Variants in MFSD8 observed in about 807,000 individuals in gnomAD.
The protein encoded by MFSD8 is major facilitator superfamily domain containing 8.
Under a neutral mutation model 66.4 loss-of-function variants are expected in MFSD8, and 55 were observed. That is an observed-to-expected ratio of 0.83 (90% confidence interval 0.67 to 1.04). MFSD8 has a LOEUF of 1.04. Ranked by LOEUF, MFSD8 falls within the 50% of genes least tolerant of loss-of-function variation. The probability of loss-of-function intolerance (pLI) is 0.00; values close to 1 mark genes in which losing one functional copy is unlikely to be tolerated. For missense variants in MFSD8, 550 were observed against 627.6 expected (o/e 0.88, Z 1.32); for synonymous variants, 202 against 212.8 (o/e 0.95, Z 0.44).
At chr4:127,963,006 T>TA (rs1188264343) in intron 1 of MFSD8, among the ~76,000 whole-genome samples, 2 of 152,238 alleles carry the variant, frequency 1.3e-5, no homozygotes, top group Admixed American at 6.5e-5. Flanking sequence ...AGGTAATTAT[T>TA]ATGTATATTT....
In MFSD8 at chr4:127,923,555, A is replaced by ATTTAT. The variant is rs201245813; in HGVS notation, c.999-1593_999-1592insATAAA. ...AGTATTTTATTTTTTATTTTTATTT[A>ATTTAT]TTATTATTATTATTATTATTATTAT... On this transcript the variant is annotated intron_variant, in intron 9 of 11. Transcript: ENST00000641686. Among the ~76,000 whole-genome samples, 284 of 89,638 alleles carry ATTTAT rather than the reference A, an allele frequency of 3.2e-3. 1 individual carries two copies. Among genetic ancestry groups the ATTTAT allele is most frequent in the African/African-American group, 0.011 (275 of 25,946 alleles). The allele number at this position is 89,638 out of a possible 152,430, so 58.8% of individuals were successfully genotyped here.
At chr4:127,941,910 C>T (rs1336414766) in intron 5 of MFSD8, 135 bp downstream of exon 5, 8 of 707,506 alleles carry the variant, frequency 1.1e-5, no homozygotes, top group South Asian at 1.1e-4. Context: ...AGCCTCATTC[C>T]TGGATTAAAA....
rs753433200 is a variant in MFSD8 at position 127,949,846 on chromosome 4, C to T, written c.156G>A (p.Gly52=). The T allele has an allele frequency of 6.2e-7, 1 of 1,608,972 alleles. No individual in the cohort carries two copies. Among genetic ancestry groups the T allele is most frequent in the Non-Finnish European group, 8.5e-7 (1 of 1,177,488 alleles). ...ATATGGACATCATCACTACAGAAAA[C>T]CCTGTGAAGAAGCAAACTAGGTTAT... is the stretch of plus-strand genomic sequence containing the variant. The part of the protein sequence containing the change: ...LYLTMFLSSV[G]FSVVMMSIWP... Residue 52 remains glycine (G), a splice_region_variant and synonymous_variant, in exon 3 of 12, where the codon GGG becomes GGA. Coordinates refer to ENST00000641686, the MANE Select transcript of MFSD8 (RefSeq NM_001371596.2).
chr4:127,937,705 G>C (rs1013134203), intron 7 of MFSD8, among the ~76,000 whole-genome samples: 1 of 152,122 alleles, frequency 6.6e-6, no homozygotes, highest in Non-Finnish European at 1.5e-5. Flanking sequence ...TTACCAGTGA[G>C]ATATAACCAA....
At chr4:127,944,108 T>A in intron 3 of MFSD8, 116 bp from the exon 4 acceptor site, 4 of 1,377,272 alleles carry the variant, frequency 2.9e-6, no homozygotes, top group Admixed American at 3.7e-5. Flanking sequence ...TTCTAACGTA[T>A]AAGTTTTATA....
At chr4:127,925,319 GA>G (rs2148854387) in intron 9 of MFSD8, among the ~76,000 whole-genome samples, 1 of 152,220 alleles carries the variant, frequency 6.6e-6, no homozygotes, top group East Asian at 1.9e-4. Context: ...TACAGAATGG[GA>G]GAAAATTTTT....
intron 2 of MFSD8, among the ~76,000 whole-genome samples, chr4:127,952,439 G>C (rs1343704087): frequency 6.6e-6 from 1 of 151,884 alleles, no homozygotes; most frequent in Admixed American, 6.6e-5. Flanking sequence ...ATAAATATTA[G>C]CTTCATTTTA....
chr4:127,939,960 AC>A lies in MFSD8; in HGVS notation c.590del (p.Gly197ValfsTer2), dbSNP rs776253867. The A allele has an allele frequency of 6.2e-7, 1 of 1,613,572 alleles. No individual in the cohort carries two copies. The highest frequency in any genetic ancestry group is 1.1e-5 in the South Asian group (1 of 91,026). ...QTCFTFLGEKGVTWDVIKLQI... is the reference protein window; with the variant it reads ...QTCFTFLGEKXVTWDVIKLQI... Reference sequence around the variant, plus strand: ...GCAGTTTAATCACATCCCATGTCACACCTTTTTCTCCAAGGAATGTAAAACA... The same window carrying A: ...GCAGTTTAATCACATCCCATGTCACACTTTTTCTCCAAGGAATGTAAAACA... On this transcript the variant is annotated frameshift_variant, in exon 6 of 12. Transcript: ENST00000641686. LOFTEE classifies it high-confidence loss of function.
chr4:127,961,966 C>T (rs1159070279), intron 1 of MFSD8, among the ~76,000 whole-genome samples: 1 of 151,924 alleles, frequency 6.6e-6, no homozygotes, highest in Non-Finnish European at 1.5e-5. Flanking sequence ...CACACAGTTA[C>T]ATTAAGCATA....
rs975098313 is a variant in MFSD8, at chr4:127,919,349, C to G, written c.*1281G>C. ...GACACTGCACCCAACCTATAAAGTG[C>G]AGATTATATAGTGTTTATTCTCAGA... On this transcript the variant is annotated 3_prime_UTR_variant, in exon 12 of 12. Coordinates refer to ENST00000641686, the MANE Select transcript of MFSD8 (RefSeq NM_001371596.2). 6.6e-6 allele frequency: 1 copy of G among 152,124 alleles called. No individual in the cohort carries two copies. The highest frequency in any genetic ancestry group is 2.4e-5 in the African/African-American group (1 of 41,426). 9.4% of individuals were successfully genotyped at this position (152,124 alleles called of 1,614,324 possible).
intron 3 of MFSD8, among the ~76,000 whole-genome samples, chr4:127,947,898 A>ACACACACT (rs777137519): frequency 2.4e-4 from 35 of 146,934 alleles, no homozygotes; most frequent in African/African-American, 9.0e-4. Context: ...ACACACACAC[A>ACACACACT]CTCTCTCTCC....
At chr4:127,921,169 G>A (rs1736290948) in intron 11 of MFSD8, 6 of 561,546 alleles carry the variant, frequency 1.1e-5, no homozygotes, top group Non-Finnish European at 1.9e-5. Context: ...CATTTGTAAT[G>A]TTCACAAGTT....
intron 1 of MFSD8, among the ~76,000 whole-genome samples, chr4:127,960,967 TC>T (rs1250559185): frequency 6.6e-6 from 1 of 152,200 alleles, no homozygotes; most frequent in Non-Finnish European, 1.5e-5. Context: ...CCTTGATTTT[TC>T]CCCTTGCCCT....
chr4:127,938,551 C>T (rs1209293266), intron 7 of MFSD8, among the ~76,000 whole-genome samples: 1 of 149,830 alleles, frequency 6.7e-6, no homozygotes, highest in Non-Finnish European at 1.5e-5. Context: ...CCACTGCACT[C>T]CAGCCTGGGC....
At chr4:127,964,961 G>A in intron 1 of MFSD8, 111 bp downstream of exon 1, 3 of 1,328,538 alleles carry the variant, frequency 2.3e-6, no homozygotes, top group East Asian at 2.5e-5. Flanking sequence ...CTCCCACCGC[G>A]CTGGAACCCC....
intron 9 of MFSD8, 78 bp from the exon 10 acceptor site, chr4:127,922,041 C>T (rs1448601942): frequency 8.0e-7 from 1 of 1,254,130 alleles, no homozygotes; most frequent in African/African-American, 1.5e-5. Flanking sequence ...ATTTTAAAAA[C>T]TAAAAATAAT....
In MFSD8 at chr4:127,943,882, T is replaced by A. The variant is rs148916499; in HGVS notation, c.309A>T (p.Arg103Ser). ...AGATGGAGACAATAAGAGGCTCTTT[T>A]CTTGGTCTATAATTAGACCATAAAC... ...IFGLWSNYRP[R>S]KEPLIVSILI... Residue 103 changes from arginine (R) to serine (S), a missense_variant, in exon 4 of 12, where the codon AGA becomes AGT. Arg to Ser is a moderately radical substitution (Grantham distance 110). Transcript: ENST00000641686. 61 of 1,614,074 alleles carry A rather than the reference T, an allele frequency of 3.8e-5. No homozygotes were observed. In the South Asian group the frequency reaches 6.1e-4, roughly 16 times the overall value.
chr4:127,942,831 A>G (rs973341571), intron 4 of MFSD8, among the ~76,000 whole-genome samples: 7 of 152,144 alleles, frequency 4.6e-5, no homozygotes, highest in Non-Finnish European at 4.4e-5. Context: ...TGCACTAACA[A>G]TTTTACTGAA....
chr4:127,941,994 CA>C (rs1740269820), intron 5 of MFSD8, 50 bp downstream of exon 5: 2 of 1,429,510 alleles, frequency 1.4e-6, no homozygotes, highest in Non-Finnish European at 2.0e-6. Context: ...ATTTAAGCCT[CA>C]AAAGTTTTCC....
Sources: allele counts gnomAD v4.1 joint callset (sites outside exome capture counted in the v4.1 genomes callset), GRCh38; gene constraint gnomAD v4.1.1; transcripts MANE v1.5; gene names NCBI Gene and HGNC (gene_info 2026-07-23, HGNC 2026-07-21).